Variants in PALM2AKAP2 observed in about 807,000 individuals in gnomAD.
PALM2AKAP2 encodes the protein PALM2 and AKAP2 fusion, also known as PALM2-AKAP2 fusion protein.
A neutral mutation model predicts 71.5 loss-of-function variants in PALM2AKAP2; 37 were observed. The observed-to-expected ratio is 0.52, with a 90% CI of 0.40 to 0.68. PALM2AKAP2 has a LOEUF of 0.68. Ranked by LOEUF, PALM2AKAP2 falls within the 30% of genes least tolerant of loss-of-function variation. The pLI, the probability that PALM2AKAP2 is intolerant of heterozygous loss-of-function variation, is 0.00. For synonymous variants in PALM2AKAP2, 468 were observed against 478.8 expected (o/e 0.98, Z 0.29); for missense variants, 1,224 against 1,191.8 (o/e 1.03, Z -0.40).
rs549865013 is a variant in PALM2AKAP2, at chr9:109,895,056, C to T, written c.257+14375C>T. Among the ~76,000 whole-genome samples, 7 of 152,362 alleles carry T rather than the reference C, an allele frequency of 4.6e-5. No homozygotes were observed. In the South Asian group the frequency reaches 1.4e-3, roughly 32 times the overall value. On this transcript the variant is annotated intron_variant, in intron 3 of 9. Transcript: ENST00000302798. ...AGGTGAAGAACCTGAGGCCGGGACACACCACAGGACTCTCAGAATGACACA... is the reference window on the plus strand; with the variant it reads ...AGGTGAAGAACCTGAGGCCGGGACATACCACAGGACTCTCAGAATGACACA...
At chr9:110,054,329 G>A (rs979340669) in intron 1 of PALM2AKAP2, among the ~76,000 whole-genome samples, 2 of 152,130 alleles carry the variant, frequency 1.3e-5, no homozygotes, top group Non-Finnish European at 2.9e-5. Context: ...AACCCAGGAG[G>A]CAGAGGTTGC....
intron 1 of PALM2AKAP2, among the ~76,000 whole-genome samples, chr9:109,829,702 T>A (rs919003392): frequency 6.6e-6 from 1 of 151,894 alleles, no homozygotes; most frequent in South Asian, 2.1e-4. Context: ...AGAGCGTCAT[T>A]TGAGGCGTGC....
intron 1 of PALM2AKAP2, among the ~76,000 whole-genome samples, chr9:110,107,843 C>T (rs796677455): frequency 1.1e-4 from 17 of 152,276 alleles, no homozygotes; most frequent in African/African-American, 3.9e-4. Context: ...CTAAGGATTA[C>T]AAGCATGAGC....
rs1836703749 is a variant in PALM2AKAP2 at position 110,165,157 on chromosome 9, A to C, written c.2749-3242A>C. ...ACAGTAACATCGTACTTAGGACATG[A>C]GTATGACATTATTAGAGCCCCAGAG... On this transcript the variant is annotated intron_variant, in intron 3 of 3. Coordinates refer to ENST00000374525, the Ensembl canonical transcript of PALM2AKAP2. Among the ~76,000 whole-genome samples the C allele has an allele frequency of 4.6e-5, 7 of 152,314 alleles. No individual in the cohort carries two copies. The South Asian group carries it at 8.3e-4, about 18-fold the overall frequency.
intron 2 of PALM2AKAP2, among the ~76,000 whole-genome samples, chr9:110,154,235 A>AT (rs1314055081): frequency 6.6e-6 from 1 of 152,208 alleles, no homozygotes; most frequent in East Asian, 1.9e-4. Flanking sequence ...TACCCTTATC[A>AT]TCATACCCAT....
chr9:109,692,339 G>A (rs1827911004), intron 1 of PALM2AKAP2, among the ~76,000 whole-genome samples: 2 of 151,740 alleles, frequency 1.3e-5, no homozygotes, highest in Non-Finnish European at 1.5e-5. Flanking sequence ...TTCTAATAAG[G>A]TTTGGGTTTT....
At chr9:110,010,398 G>A (rs953669139) in intron 6 of PALM2AKAP2, among the ~76,000 whole-genome samples, 3 of 149,272 alleles carry the variant, frequency 2.0e-5, no homozygotes, top group African/African-American at 7.3e-5. Flanking sequence ...GTATATAGAA[G>A]TATAATATCT....
At chr9:109,903,393 G>A (rs191294756) in intron 3 of PALM2AKAP2, among the ~76,000 whole-genome samples, 10 of 152,050 alleles carry the variant, frequency 6.6e-5, no homozygotes, top group South Asian at 6.3e-4. Context: ...CATTTATTAG[G>A]TGCCCCCTCT....
At chr9:109,776,716 C>T (rs1587904300), upstream of PALM2AKAP2, among the ~76,000 whole-genome samples, 3 of 152,250 alleles carry the variant, frequency 2.0e-5, no homozygotes, top group Non-Finnish European at 4.4e-5. Flanking sequence ...CACAAATTGG[C>T]CAGCCAGAGG....
At chr9:109,991,682 T>C (rs1564248788) in intron 6 of PALM2AKAP2, among the ~76,000 whole-genome samples, 1 of 152,170 alleles carries the variant, frequency 6.6e-6, no homozygotes, top group East Asian at 1.9e-4. Context: ...GAAGAAGATA[T>C]TGAGGATAGC....
intron 1 of PALM2AKAP2, among the ~76,000 whole-genome samples, chr9:110,057,050 C>T (rs1388453230): frequency 2.0e-5 from 3 of 152,090 alleles, no homozygotes; most frequent in Admixed American, 6.5e-5. Context: ...ACGCCTTGTC[C>T]TTGCGGTTCC....
At chr9:110,156,553 G>C in intron 3 of PALM2AKAP2, 56 bp downstream of exon 9, 1 of 1,512,642 alleles carries the variant, frequency 6.6e-7, no homozygotes. Context: ...TCGGTGTGGC[G>C]TGTGGCATTC....
At chr9:110,035,316 A>G (rs1011806538) in intron 7 of PALM2AKAP2, among the ~76,000 whole-genome samples, 1 of 86,444 alleles carries the variant, frequency 1.2e-5, no homozygotes, top group Non-Finnish European at 2.3e-5. Flanking sequence ...TATTACATAC[A>G]TATGTATTAT....
At chr9:109,818,674 G>A (rs1827912211) in intron 1 of PALM2AKAP2, among the ~76,000 whole-genome samples, 1 of 152,184 alleles carries the variant, frequency 6.6e-6, no homozygotes, top group South Asian at 2.1e-4. Context: ...TGCCCAGGCT[G>A]AACTCAAACT....
intron 1 of PALM2AKAP2, among the ~76,000 whole-genome samples, chr9:109,669,134 G>A (rs1278476716): frequency 2.0e-5 from 3 of 152,202 alleles, no homozygotes; most frequent in African/African-American, 7.2e-5. Context: ...GTCTACATTT[G>A]TGGAGGGTAA....
chr9:109,875,157 G>A (rs570646858), intron 2 of PALM2AKAP2, among the ~76,000 whole-genome samples: 125 of 152,166 alleles, frequency 8.2e-4, no homozygotes, highest in African/African-American at 3.0e-3. Flanking sequence ...CATTTGTTCC[G>A]GTCCACAAAC....
intron 7 of PALM2AKAP2, among the ~76,000 whole-genome samples, chr9:110,027,567 G>C: frequency 6.6e-6 from 1 of 152,214 alleles, no homozygotes; most frequent in East Asian, 1.9e-4. Flanking sequence ...AACAAGGTTG[G>C]TAGCCCTTAG....
chr9:109,657,155 C>A (rs191069769), intron 1 of PALM2AKAP2, among the ~76,000 whole-genome samples: 1 of 152,162 alleles, frequency 6.6e-6, no homozygotes, highest in African/African-American at 2.4e-5. Flanking sequence ...GTGGTCCTAG[C>A]CAAACATTTT....
intron 1 of PALM2AKAP2, among the ~76,000 whole-genome samples, chr9:109,818,660 G>A (rs969302441): frequency 6.6e-6 from 1 of 152,146 alleles, no homozygotes; most frequent in African/African-American, 2.4e-5. Context: ...GAGTCTCACT[G>A]TGTTGCCCAG....
Sources: gnomAD v4.1 joint callset for allele counts (sites outside exome capture counted in the v4.1 genomes callset) on GRCh38, gnomAD v4.1.1 for gene constraint, MANE v1.5 for transcripts, NCBI Gene and HGNC (gene_info 2026-07-23, HGNC 2026-07-21) for gene names.